The following LTAP1 variants were observed in gnomAD, a reference collection of about 807,000 sequenced individuals.
LTAP1 encodes the protein HCV NS5A-transactivated protein 4.
At chr1:154,211,324 C>CTTTTTTTTTTTT in the LTAP1 span, among the ~76,000 whole-genome samples, 3 of 34,028 alleles carry the variant, frequency 8.8e-5, no homozygotes, top group East Asian at 9.3e-4. Flanking sequence ...TTATTTAATT[C>CTTTTTTTTTTTT]TTTTTTTTTT....
At chr1:154,214,481 G>C in the LTAP1 span, 3 of 1,613,350 alleles carry the variant, frequency 1.9e-6, no homozygotes, top group East Asian at 4.5e-5. Flanking sequence ...GTTTCCAGTT[G>C]TAGTAGTCTA....
the LTAP1 span, among the ~76,000 whole-genome samples, chr1:154,217,235 C>T: frequency 5.8e-4 from 89 of 152,264 alleles, no homozygotes; most frequent in African/African-American, 2.1e-3. Context: ...AGGCGTTAGC[C>T]ACCGCACCCA....
At chr1:154,215,938 C>T in the LTAP1 span, among the ~76,000 whole-genome samples, 2 of 151,244 alleles carry the variant, frequency 1.3e-5, no homozygotes, top group Non-Finnish European at 2.9e-5. Context: ...CCCGGGTTCA[C>T]GCCATTCTCC....
chr1:154,214,468 T>G, the LTAP1 span: 5 of 1,610,866 alleles, frequency 3.1e-6, no homozygotes, highest in African/African-American at 4.0e-5. Flanking sequence ...TTGATTTCCC[T>G]GGGTTTCCAG....
chr1:154,218,540 G>A, the LTAP1 span, among the ~76,000 whole-genome samples: 1 of 152,236 alleles, frequency 6.6e-6, no homozygotes, highest in Non-Finnish European at 1.5e-5. Context: ...ACAAAGAGGG[G>A]AAGGTTAATA....
the LTAP1 span, chr1:154,219,907 T>A: frequency 1.9e-6 from 3 of 1,613,360 alleles, no homozygotes; most frequent in Non-Finnish European, 2.5e-6. Context: ...ATGATTTGCC[T>A]CTTCACAAAA....
the LTAP1 span, among the ~76,000 whole-genome samples, chr1:154,218,660 TG>T: frequency 6.6e-6 from 1 of 152,212 alleles, no homozygotes; most frequent in East Asian, 1.9e-4. Context: ...ACCTGCTATG[TG>T]TAGGCCCTGG....
At chr1:154,214,432 A>C in the LTAP1 span, 1 of 1,479,396 alleles carries the variant, frequency 6.8e-7, no homozygotes, top group East Asian at 2.3e-5. Flanking sequence ...TCCTCACTGA[A>C]GCATTCCAAG....
chr1:154,216,930 T>C, the LTAP1 span, among the ~76,000 whole-genome samples: 1 of 151,846 alleles, frequency 6.6e-6, no homozygotes. Context: ...ATTACAGGTG[T>C]AAACCACCTC....
chr1:154,220,363 C>T, the LTAP1 span: 1 of 1,614,254 alleles, frequency 6.2e-7, no homozygotes, highest in South Asian at 1.1e-5. Flanking sequence ...AGGCCATCAC[C>T]AGCACGACAT....
chr1:154,220,148 G>A, the LTAP1 span: 7 of 756,928 alleles, frequency 9.2e-6, no homozygotes, highest in Admixed American at 5.1e-5. Context: ...AGCGTTAAAG[G>A]GAGGGTTCTA....
chr1:154,216,833 G>C, the LTAP1 span, among the ~76,000 whole-genome samples: 3 of 150,270 alleles, frequency 2.0e-5, no homozygotes, highest in African/African-American at 7.3e-5. Context: ...ACTTTTTATA[G>C]AGACAGGGTT....
the LTAP1 span, chr1:154,207,046 T>A: frequency 6.0e-6 from 1 of 165,294 alleles, no homozygotes; most frequent in African/African-American, 2.4e-5. Flanking sequence ...CCCAAACAGT[T>A]CCCATTCAAC....
At chr1:154,213,634 A>C in the LTAP1 span, among the ~76,000 whole-genome samples, 2 of 152,234 alleles carry the variant, frequency 1.3e-5, no homozygotes, top group Non-Finnish European at 2.9e-5. Context: ...CAAGCAAATT[A>C]CTATCATCTA....
At chr1:154,219,578 A>T in the LTAP1 span, among the ~76,000 whole-genome samples, 4 of 152,224 alleles carry the variant, frequency 2.6e-5, no homozygotes, top group African/African-American at 4.8e-5. Context: ...TACTACAAAC[A>T]GTTGGGAACT....
At chr1:154,214,661 C>A in the LTAP1 span, 1 of 767,946 alleles carries the variant, frequency 1.3e-6, no homozygotes, top group Admixed American at 2.2e-5. Context: ...TAATGAATAA[C>A]TAAGACAACA....
the LTAP1 span, chr1:154,207,640 G>A: frequency 6.2e-7 from 1 of 1,603,288 alleles, no homozygotes; most frequent in East Asian, 2.2e-5. Context: ...CCCAATTCGT[G>A]CTTTAACCCT....
At chr1:154,212,177 GAGACTGATCTAAT>G in the LTAP1 span, 1 of 921,296 alleles carries the variant, frequency 1.1e-6, no homozygotes, top group Admixed American at 1.8e-5. Context: ...TCTAATGTAA[GAGACTGATCTAAT>G]AGTCTAGAAC....
the LTAP1 span, among the ~76,000 whole-genome samples, chr1:154,216,322 A>G: frequency 8.7e-3 from 1,167 of 133,820 alleles, 12 homozygotes; most frequent in African/African-American, 0.029. Context: ...ATCCCTCTGC[A>G]ACTTGTTTAA....
Sources: allele counts gnomAD v4.1 joint callset (sites outside exome capture counted in the v4.1 genomes callset), GRCh38; gene constraint gnomAD v4.1.1; transcripts MANE v1.5; gene names NCBI Gene and HGNC (gene_info 2026-07-23, HGNC 2026-07-21).